C16orf96: variants seen among roughly 807,000 people sequenced by gnomAD.
C16orf96 encodes uncharacterized protein C16orf96.
A neutral mutation model predicts 103.6 loss-of-function variants in C16orf96; 108 were observed. That is an observed-to-expected ratio of 1.04 (90% CI 0.89 to 1.22). The LOEUF (loss-of-function observed/expected upper bound fraction) is 1.22, where lower values mean the gene tolerates loss of function less well. Ranked by LOEUF, C16orf96 falls within the 50% of genes most tolerant of loss-of-function variation. C16orf96 has a pLI of 0.00. For missense variants in C16orf96, 1,586 were observed against 1,464.2 expected, an observed-to-expected ratio of 1.08 and a Z score of -1.36; for synonymous variants, 566 against 593.5, an observed-to-expected ratio of 0.95 and a Z score of 0.67.
At chr16:4,570,079 C>A (rs1222619990) in intron 1 of C16orf96, among the ~76,000 whole-genome samples, 1 of 150,434 alleles carries the variant, frequency 6.6e-6, no homozygotes, top group Admixed American at 6.8e-5. Context: ...AAAGCCAGGG[C>A]GCTTTGTGCC....
intron 1 of C16orf96, among the ~76,000 whole-genome samples, chr16:4,559,282 C>T (rs1263210957): frequency 6.6e-6 from 1 of 152,046 alleles, no homozygotes; most frequent in South Asian, 2.1e-4. Context: ...GTGGCTCACA[C>T]CTGTAATCCC....
chr16:4,599,454 C>G lies in C16orf96; in HGVS notation c.3208+90C>G, dbSNP rs533765102. ...TCTCATCCCATCCCCCACACCCCGCCTGGGCTCTCCTGTCCACCTCCTCCA... is the reference window on the plus strand; with the variant it reads ...TCTCATCCCATCCCCCACACCCCGCGTGGGCTCTCCTGTCCACCTCCTCCA... On this transcript the variant is annotated intron_variant, in intron 15 of 15. Transcript: ENST00000444310. The G allele has an allele frequency of 3.5e-4, 394 of 1,121,562 alleles. 1 individual carries two copies. The African/African-American group carries it at 5.6e-3, about 16-fold the overall frequency. 69.5% of individuals were successfully genotyped at this position (1,121,562 alleles called of 1,614,324 possible).
At chr16:4,573,718 C>A (rs1317919803) in intron 2 of C16orf96, among the ~76,000 whole-genome samples, 2 of 144,344 alleles carry the variant, frequency 1.4e-5, no homozygotes, top group Non-Finnish European at 3.0e-5. Context: ...CACCACTGCA[C>A]TCCAGCCTGG....
chr16:4,574,646 G>C, intron 2 of C16orf96, 63 bp from the exon 3 acceptor site: 1 of 1,360,030 alleles, frequency 7.4e-7, no homozygotes, highest in South Asian at 1.3e-5. Context: ...CTAGAGCCAC[G>C]GGAAAAGGCA....
At chr16:4,546,117 G>A in the C16orf96 span, among the ~76,000 whole-genome samples, 1 of 151,410 alleles carries the variant, frequency 6.6e-6, no homozygotes, top group Non-Finnish European at 1.5e-5. Context: ...CAAAGTACGG[G>A]GATTACAGGA....
At chr16:4,565,987 C>A (rs1398972432) in intron 1 of C16orf96, among the ~76,000 whole-genome samples, 2 of 152,128 alleles carry the variant, frequency 1.3e-5, no homozygotes, top group Non-Finnish European at 2.9e-5. Context: ...GGACTACAGG[C>A]GCTTGCCACC....
chr16:4,540,606 A>T, the C16orf96 span, among the ~76,000 whole-genome samples: 1 of 151,970 alleles, frequency 6.6e-6, no homozygotes, highest in Admixed American at 6.6e-5. Context: ...ACACGCCTGT[A>T]ATCCCAGCTA....
chr16:4,594,232 T>C (rs935422914), intron 12 of C16orf96, 119 bp from the exon 13 acceptor site: 34 of 1,239,156 alleles, frequency 2.7e-5, no homozygotes, highest in Non-Finnish European at 3.7e-5. Flanking sequence ...CTGTGCCAGC[T>C]AAACACAAGC....
rs2059548971 is a variant in C16orf96 at position 4,579,022 on chromosome 16, C to G, written c.2238C>G (p.Leu746=). The G allele has an allele frequency of 2.6e-6, 4 of 1,551,296 alleles. No individual in the cohort carries two copies. Among genetic ancestry groups the G allele is most frequent in the Non-Finnish European group, 3.5e-6 (4 of 1,146,848 alleles). ...KKIGSLQKSR[L]KEEELERIWG... ...TTGGCAGCCTCCAGAAATCTAGGCT[C>G]AAGGTTAGTGTCTCCGGCGAAGGGC... is the stretch of plus-strand genomic sequence containing the variant. Residue 746 remains leucine (L), a synonymous_variant, in exon 6 of 16, where the codon CTC becomes CTG. Transcript: ENST00000444310.
At chr16:4,577,297 C>A (rs539413117) in intron 5 of C16orf96, among the ~76,000 whole-genome samples, 1 of 152,286 alleles carries the variant, frequency 6.6e-6, no homozygotes, top group African/African-American at 2.4e-5. Context: ...TTTGGGAGGC[C>A]AAGGCAGGAA....
chr16:4,591,250 C>G (rs1468966224), intron 9 of C16orf96, among the ~76,000 whole-genome samples: 3 of 152,176 alleles, frequency 2.0e-5, no homozygotes, highest in African/African-American at 7.2e-5. Context: ...GGTCACACAA[C>G]TCTGTAAATA....
At chr16:4,548,106 A>G in the C16orf96 span, among the ~76,000 whole-genome samples, 1 of 152,196 alleles carries the variant, frequency 6.6e-6, no homozygotes, top group African/African-American at 2.4e-5. Flanking sequence ...AGGGCTACAC[A>G]AAAAGCCGCT....
chr16:4,592,429 T>C, intron 11 of C16orf96, 62 bp downstream of exon 11: 1 of 1,510,542 alleles, frequency 6.6e-7, no homozygotes, highest in Non-Finnish European at 9.0e-7. Context: ...GGAGGTCATC[T>C]CCGTGCACCT....
At chr16:4,546,588 C>T in the C16orf96 span, among the ~76,000 whole-genome samples, 9 of 151,684 alleles carry the variant, frequency 5.9e-5, no homozygotes, top group Non-Finnish European at 1.0e-4. Context: ...CCTCAGCCTC[C>T]TGAGGAGCTA....
chr16:4,592,851 G>A (rs1284982899), intron 11 of C16orf96, among the ~76,000 whole-genome samples: 1 of 152,036 alleles, frequency 6.6e-6, no homozygotes, highest in Non-Finnish European at 1.5e-5. Context: ...GTGACAGTGA[G>A]ACCTCATATC....
chr16:4,563,205 G>A (rs759733239), intron 1 of C16orf96: 35 of 611,544 alleles, frequency 5.7e-5, no homozygotes, highest in Admixed American at 2.3e-4. Context: ...GCTTCGCTCG[G>A]CTCTAGCAGT....
In C16orf96 at chr16:4,599,266, CTT is replaced by C. The variant is rs778491551; in HGVS notation, c.3128-15_3128-14del. 78 of 1,550,764 alleles carry C rather than the reference CTT, an allele frequency of 5.0e-5. No homozygotes were observed. The highest frequency in any genetic ancestry group is 8.2e-5 in the African/African-American group (6 of 73,060). ...GGGTGGATGCCACCCACACCTGTCT[CTT>C]TTCTTTTCTGCTAAGCTGTGAAGGC... On this transcript the variant is annotated splice_polypyrimidine_tract_variant and intron_variant, in intron 14 of 15. Coordinates refer to ENST00000444310, the MANE Select transcript of C16orf96 (RefSeq NM_001145011.2).
rs369055443 is a variant in C16orf96, at chr16:4,576,018, G to T, written c.1538G>T (p.Gly513Val). The T allele has an allele frequency of 4.7e-5, 73 of 1,550,834 alleles. No homozygotes were observed. The Middle Eastern group carries it at 6.7e-4, about 14-fold the overall frequency. ...AAGGATGATGTCCCCAAAGATAGAG[G>T]TGGCAAGGATGTGGACCCCAAGGAT... is the stretch of plus-strand genomic sequence containing the variant. The part of the protein sequence containing the change: ...AHKDDVPKDR[G>V]GKDVDPKDRA... Residue 513 changes from glycine (G) to valine (V), a missense_variant, in exon 5 of 16, where the codon GGT becomes GTT. Physicochemically the swap from Gly to Val is moderately radical, Grantham distance 109. Transcript: ENST00000444310.
Position 4,577,074 on chromosome 16 carries a change from C to T in C16orf96, c.2155+439C>T, listed in dbSNP as rs2059520574. ...GGCGTGGTGGTGTATGCCTGTAATCCCAGCTACTCGGGAGGCTGTGGCAGG... is the reference window on the plus strand; with the variant it reads ...GGCGTGGTGGTGTATGCCTGTAATCTCAGCTACTCGGGAGGCTGTGGCAGG... On this transcript the variant is annotated intron_variant, in intron 5 of 15. Transcript: ENST00000444310. 2.0e-5 allele frequency among the ~76,000 whole-genome samples: 3 copies of T among 151,976 alleles called. No individual in the cohort carries two copies. In the South Asian group the frequency reaches 6.2e-4, roughly 32 times the overall value.
Sources: gnomAD v4.1 joint callset for allele counts (sites outside exome capture counted in the v4.1 genomes callset) on GRCh38, gnomAD v4.1.1 for gene constraint, MANE v1.5 for transcripts, NCBI Gene and HGNC (gene_info 2026-07-23, HGNC 2026-07-21) for gene names.